The following CLEC16A variants were observed in gnomAD, a reference collection of about 807,000 sequenced individuals.
CLEC16A encodes protein CLEC16A.
In CLEC16A, 51 loss-of-function variants were observed where a neutral mutation model predicts 109.5. That is an observed-to-expected ratio of 0.47 (90% confidence interval 0.37 to 0.59). CLEC16A has a LOEUF of 0.59. CLEC16A is among the 20% of genes least tolerant of loss of function. The probability of loss-of-function intolerance (pLI) is 0.00; values close to 1 mark genes in which losing one functional copy is unlikely to be tolerated. For synonymous variants in CLEC16A, 673 were observed against 564.2 expected (o/e 1.19, Z -2.73); for missense variants, 1,339 against 1,394.0 (o/e 0.96, Z 0.63).
chr16:10,968,063 G>A (rs1171152986), intron 3 of CLEC16A, among the ~76,000 whole-genome samples: 2 of 152,230 alleles, frequency 1.3e-5, no homozygotes, highest in Non-Finnish European at 2.9e-5. Context: ...GGTGTGAATC[G>A]TGTTCTGCCT....
At chr16:11,086,055 T>C (rs1298997546) in intron 19 of CLEC16A, among the ~76,000 whole-genome samples, 1 of 152,202 alleles carries the variant, frequency 6.6e-6, no homozygotes, top group Non-Finnish European at 1.5e-5. Context: ...GAGGATGAAG[T>C]GTGTGGAGCG....
chr16:11,080,869 C>A (rs2049670261), intron 19 of CLEC16A, among the ~76,000 whole-genome samples: 1 of 152,228 alleles, frequency 6.6e-6, no homozygotes, highest in Non-Finnish European at 1.5e-5. Context: ...AGATAAGCTC[C>A]CCCAGCTCAG....
intron 18 of CLEC16A, among the ~76,000 whole-genome samples, chr16:11,060,146 C>T (rs958051395): frequency 1.3e-5 from 2 of 152,208 alleles, no homozygotes; most frequent in Non-Finnish European, 2.9e-5. Context: ...CCAGACACCA[C>T]TTCTATGGGC....
intron 13 of CLEC16A, among the ~76,000 whole-genome samples, chr16:11,035,580 A>T (rs1490488369): frequency 1.3e-5 from 2 of 152,164 alleles, no homozygotes; most frequent in Non-Finnish European, 2.9e-5. Flanking sequence ...AGGCAAGCTC[A>T]TGTCTTTTTT....
intron 10 of CLEC16A, among the ~76,000 whole-genome samples, chr16:10,987,857 G>A (rs185590592): frequency 1.2e-3 from 186 of 152,284 alleles, no homozygotes; most frequent in Middle Eastern, 0.01. Context: ...TTGTAGATAA[G>A]TTACTGGTAT....
At chr16:11,032,966 C>T (rs1472777660) in intron 13 of CLEC16A, among the ~76,000 whole-genome samples, 1 of 151,982 alleles carries the variant, frequency 6.6e-6, no homozygotes, top group Non-Finnish European at 1.5e-5. Context: ...CGTTGGCTAC[C>T]AGACAGAAAG....
At position 11,178,206 on chromosome 16, in the gene CLEC16A, G is replaced by C. The variant is rs990434417; in HGVS notation, c.2807-129G>C. ...AAAGGAGTGAGTGGAGCCACGCTGAGCCCTCACGCCAGCCAGCCACCTCCC... is the reference window on the plus strand; with the variant it reads ...AAAGGAGTGAGTGGAGCCACGCTGACCCCTCACGCCAGCCAGCCACCTCCC... On this transcript the variant is annotated intron_variant, in intron 23 of 23. Transcript: ENST00000409790. The surrounding 1 kb of genome is among the most constrained non-coding windows in gnomAD (Gnocchi z 6.5). The C allele has an allele frequency of 6.6e-6, 5 of 755,220 alleles. No individual in the cohort carries two copies. The highest frequency in any genetic ancestry group is 1.7e-5 in the South Asian group (1 of 58,624). 46.8% of individuals were successfully genotyped at this position (755,220 alleles called of 1,614,324 possible).
intron 18 of CLEC16A, chr16:11,056,479 T>A (rs2048220905): frequency 6.6e-6 from 1 of 151,944 alleles, no homozygotes; most frequent in Non-Finnish European, 1.5e-5. Context: ...GAAAAGAGAG[T>A]TAGGAATAGG....
In CLEC16A at chr16:11,178,684, G is replaced by A. The variant is rs1175154526; in HGVS notation, c.3156G>A (p.Glu1052=). 16 of 1,494,294 alleles carry A rather than the reference G, an allele frequency of 1.1e-5. No homozygotes were observed. The East Asian group carries it at 3.9e-4, about 37-fold the overall frequency. The allele number at this position is 1,494,294 out of a possible 1,614,324, so 92.6% of individuals were successfully genotyped here. Residue 1052 remains glutamate, a synonymous_variant, in exon 24 of 24, where the codon GAG becomes GAA. Coordinates refer to ENST00000409790, the MANE Select transcript of CLEC16A (RefSeq NM_015226.3). This position sits in a 1 kb window ranked among gnomAD's most constrained non-coding sequence, Gnocchi z 6.5. ...GTGCTGAGCCTGTGGGCACCGCTGAGGACTGAGTCAGTGCCGGGGCCTCCC... is the reference window on the plus strand; with the variant it reads ...GTGCTGAGCCTGTGGGCACCGCTGAAGACTGAGTCAGTGCCGGGGCCTCCC... The part of the protein sequence containing the change: ...AACAEPVGTA[E]D
rs925287619 is a variant in CLEC16A at position 11,174,690 on chromosome 16, A to T, written c.2807-3645A>T. ...GGCGGCAGTTGGCTGGCAAAGTGAG[A>T]ATTTGTAGAAAGCAACCAAGAAGTC... On this transcript the variant is annotated intron_variant, in intron 23 of 23. Transcript: ENST00000409790. This position sits in a 1 kb window ranked among gnomAD's most constrained non-coding sequence, Gnocchi z 4.7. 7.2e-5 allele frequency among the ~76,000 whole-genome samples: 11 copies of T among 152,220 alleles called. No individual in the cohort carries two copies. Among genetic ancestry groups the T allele is most frequent in the African/African-American group, 2.4e-4 (10 of 41,462 alleles).
intron 9 of CLEC16A, among the ~76,000 whole-genome samples, chr16:10,980,629 G>A (rs895296685): frequency 2.6e-5 from 4 of 151,940 alleles, no homozygotes; most frequent in African/African-American, 7.3e-5. Flanking sequence ...CTCCCTCACC[G>A]GTTTGCTTTG....
chr16:11,008,723 G>T (rs1201362183), intron 11 of CLEC16A, among the ~76,000 whole-genome samples: 2 of 151,250 alleles, frequency 1.3e-5, no homozygotes, highest in Non-Finnish European at 2.9e-5. Flanking sequence ...GGGTGCGGTG[G>T]TTCACGCCTG....
intron 13 of CLEC16A, among the ~76,000 whole-genome samples, chr16:11,033,104 G>A (rs943119544): frequency 6.6e-6 from 1 of 152,108 alleles, no homozygotes; most frequent in Non-Finnish European, 1.5e-5. Context: ...AGAGGAAACT[G>A]GAAGGACTTG....
intron 3 of CLEC16A, among the ~76,000 whole-genome samples, chr16:10,964,104 G>A (rs564980958): frequency 1.3e-5 from 2 of 152,220 alleles, no homozygotes; most frequent in African/African-American, 4.8e-5. Context: ...AAAAAAGTCT[G>A]CAGTGGGCAG....
chr16:11,022,584 C>T (rs1232831715), intron 12 of CLEC16A, among the ~76,000 whole-genome samples: 1 of 151,966 alleles, frequency 6.6e-6, no homozygotes, highest in Non-Finnish European at 1.5e-5. Context: ...ATTATGGGCT[C>T]TGTCTGCACT....
At chr16:11,105,408 G>C (rs1197121379) in intron 19 of CLEC16A, among the ~76,000 whole-genome samples, 4 of 152,238 alleles carry the variant, frequency 2.6e-5, no homozygotes, top group African/African-American at 7.2e-5. Context: ...AGCAGTCAGA[G>C]AGGCTGCCCC....
At chr16:11,092,361 A>ACACACACACAC (rs2050354709) in intron 19 of CLEC16A, among the ~76,000 whole-genome samples, 12 of 132,434 alleles carry the variant, frequency 9.1e-5, no homozygotes, top group Non-Finnish European at 1.3e-4. Context: ...AACAAAAACA[A>ACACACACACAC]ACACACACAC....
chr16:11,108,632 C>T (rs1196901377), intron 19 of CLEC16A, among the ~76,000 whole-genome samples: 1 of 152,212 alleles, frequency 6.6e-6, no homozygotes, highest in Non-Finnish European at 1.5e-5. Flanking sequence ...TTCACATGGC[C>T]ATCTGGCTGC....
At chr16:11,049,165 G>A (rs993280082) in intron 17 of CLEC16A, among the ~76,000 whole-genome samples, 1 of 151,876 alleles carries the variant, frequency 6.6e-6, no homozygotes, top group East Asian at 1.9e-4. Context: ...CCACTACTAC[G>A]CCCAGCTAAT....
Sources: gnomAD v4.1 joint callset for allele counts (sites outside exome capture counted in the v4.1 genomes callset) on GRCh38, gnomAD v4.1.1 for gene constraint, Gnocchi (gnomAD v3.1) non-coding constraint, MANE v1.5 for transcripts, NCBI Gene and HGNC (gene_info 2026-07-23, HGNC 2026-07-21) for gene names.